The following GYPE variants were observed in gnomAD, a reference collection of about 807,000 sequenced individuals.
GYPE encodes glycophorin-E.
GYPE carries 8 observed loss-of-function variants against 11.6 expected under a neutral mutation model. The ratio of observed to expected loss-of-function variants is 0.69; its 90% CI spans 0.41 to 1.25. GYPE has a LOEUF of 1.25. Ranked by LOEUF, GYPE falls within the 50% of genes most tolerant of loss-of-function variation. The pLI is 0.01. For missense variants in GYPE, 90 were observed against 92.8 expected (o/e 0.97, Z 0.12); for synonymous variants, 28 against 29.6 (o/e 0.94, Z 0.18).
chr4:143,883,320 A>G (rs1490071728), intron 1 of GYPE, among the ~76,000 whole-genome samples: 3 of 151,886 alleles, frequency 2.0e-5, no homozygotes, highest in Non-Finnish European at 4.4e-5. Flanking sequence ...CAGAAGCACT[A>G]TGCTTCTTGT....
chr4:143,891,398 G>A (rs952643724), intron 1 of GYPE, among the ~76,000 whole-genome samples: 1 of 144,894 alleles, frequency 6.9e-6, no homozygotes, highest in Admixed American at 7.2e-5. Flanking sequence ...GCCTGATCTC[G>A]GCTGACTGCA....
At chr4:143,873,304 T>TC (rs1162088352) in intron 3 of GYPE, 1 of 375,356 alleles carries the variant, frequency 2.7e-6, no homozygotes, top group African/African-American at 2.1e-5. Flanking sequence ...TTAAACTGAT[T>TC]ACTTTTGATT....
At chr4:143,883,867 T>C (rs1454325243) in intron 1 of GYPE, among the ~76,000 whole-genome samples, 2 of 151,944 alleles carry the variant, frequency 1.3e-5, no homozygotes, top group Non-Finnish European at 2.9e-5. Flanking sequence ...ACACAAAACA[T>C]AGTCTGTAAA....
intron 1 of GYPE, among the ~76,000 whole-genome samples, chr4:143,898,715 T>C (rs189372055): frequency 6.6e-6 from 1 of 152,300 alleles, no homozygotes; most frequent in African/African-American, 2.4e-5. Flanking sequence ...ATTTATATGA[T>C]TTTTTGCTAA....
chr4:143,875,660 CT>C (rs1743769389), intron 3 of GYPE, among the ~76,000 whole-genome samples: 1 of 152,094 alleles, frequency 6.6e-6, no homozygotes, highest in African/African-American at 2.4e-5. Flanking sequence ...TTGCCAAGTT[CT>C]TTTGGCTTTA....
chr4:143,878,796 G>A (rs546936251), intron 2 of GYPE: 284 of 385,758 alleles, frequency 7.4e-4, no homozygotes, highest in Non-Finnish European at 1.3e-3. Flanking sequence ...AGAGTTGTTG[G>A]TCAACTTTCA....
chr4:143,882,962 T>C lies in GYPE; in HGVS notation c.38-2453A>G, dbSNP rs529207880. On this transcript the variant is annotated intron_variant, in intron 1 of 3. Transcript: ENST00000358615. ...TGTTATAAATGCTTGGACAAATTCT[T>C]ATGGAGAAAGAATTAGGTGAGTGGT... 5.9e-5 allele frequency among the ~76,000 whole-genome samples: 9 copies of C among 152,300 alleles called. No homozygotes were observed. The East Asian group carries it at 1.7e-3, about 29-fold the overall frequency.
chr4:143,902,477 C>G (rs1434131624), intron 1 of GYPE, among the ~76,000 whole-genome samples: 1 of 152,036 alleles, frequency 6.6e-6, no homozygotes, highest in Non-Finnish European at 1.5e-5. Context: ...TGTGTCTAAC[C>G]AGATGAAAAC....
intron 1 of GYPE, among the ~76,000 whole-genome samples, chr4:143,890,948 C>T (rs1421970489): frequency 6.6e-6 from 1 of 151,936 alleles, no homozygotes. Context: ...GTTTGGCCTG[C>T]AGCCTCACAA....
At chr4:143,887,647 G>A (rs1262158005) in intron 1 of GYPE, among the ~76,000 whole-genome samples, 2 of 150,708 alleles carry the variant, frequency 1.3e-5, no homozygotes, top group Admixed American at 1.3e-4. Context: ...AGAAAGGGGA[G>A]TATAACATGC....
intron 2 of GYPE, among the ~76,000 whole-genome samples, chr4:143,878,971 C>G: frequency 6.6e-6 from 1 of 152,136 alleles, no homozygotes; most frequent in East Asian, 1.9e-4. Flanking sequence ...CACTTATTGA[C>G]TTCCACAAGA....
chr4:143,895,231 C>T (rs907797606), intron 1 of GYPE, among the ~76,000 whole-genome samples: 22 of 152,090 alleles, frequency 1.4e-4, no homozygotes, highest in Non-Finnish European at 2.2e-4. Context: ...TGTTCACAGA[C>T]GACATGATTG....
At chr4:143,883,715 A>G (rs1744144368) in intron 1 of GYPE, among the ~76,000 whole-genome samples, 1 of 150,366 alleles carries the variant, frequency 6.7e-6, no homozygotes, top group Non-Finnish European at 1.5e-5. Context: ...AAACCAAATG[A>G]CAAAATAGCA....
At position 143,871,906 on chromosome 4, in the gene GYPE, A is replaced by G. The variant is rs1743631363; in HGVS notation, c.*356T>C. On this transcript the variant is annotated 3_prime_UTR_variant, in exon 4 of 4. Transcript: ENST00000358615. The stretch of plus-strand genomic sequence containing the variant: ...GACCTCAGAGTATTCAAAGTATCAA[A>G]TGGAATGTGACTGAAGAGTTATCTT... 6.6e-6 allele frequency: 1 copy of G among 152,138 alleles called. No homozygotes were observed. The highest frequency in any genetic ancestry group is 6.5e-5 in the Admixed American group (1 of 15,268). 9.4% of individuals were successfully genotyped at this position (152,138 alleles called of 1,614,324 possible). A position where few individuals can be genotyped will look rare whatever the true frequency, so the allele number is the denominator to read the frequency against.
intron 1 of GYPE, among the ~76,000 whole-genome samples, chr4:143,889,682 C>G (rs1744331915): frequency 6.6e-6 from 1 of 152,174 alleles, no homozygotes; most frequent in Admixed American, 6.5e-5. Flanking sequence ...TGGATGTCTT[C>G]TAAGATGCTT....
chr4:143,887,552 T>C (rs1744252828), intron 1 of GYPE, among the ~76,000 whole-genome samples: 1 of 145,308 alleles, frequency 6.9e-6, no homozygotes, highest in African/African-American at 2.5e-5. Flanking sequence ...AATGAATCAC[T>C]GGATGAACCC....
Position 143,871,074 on chromosome 4 carries a change from C to T in GYPE, c.*1188G>A, listed in dbSNP as rs1260017359. ...AATTTACTCACTATCATGAGAATAG[C>T]ACAGGGGAAACCACCGCAATGATTC... On this transcript the variant is annotated 3_prime_UTR_variant, in exon 4 of 4. Transcript: ENST00000358615. 6.7e-6 allele frequency: 1 copy of T among 148,606 alleles called. No individual in the cohort carries two copies. Among genetic ancestry groups the T allele is most frequent in the Non-Finnish European group, 1.5e-5 (1 of 67,972 alleles). The allele number at this position is 148,606 out of a possible 1,614,324, so 9.2% of individuals were successfully genotyped here. A position where few individuals can be genotyped will look rare whatever the true frequency, so the allele number is the denominator to read the frequency against.
At chr4:143,904,023 C>A (rs1406231631) in intron 1 of GYPE, among the ~76,000 whole-genome samples, 1 of 152,018 alleles carries the variant, frequency 6.6e-6, no homozygotes, top group Admixed American at 6.6e-5. Flanking sequence ...AATACATATA[C>A]AAATATTACA....
chr4:143,902,565 CCTCT>C (rs371300250), intron 1 of GYPE, among the ~76,000 whole-genome samples: 135 of 151,488 alleles, frequency 8.9e-4, no homozygotes, highest in African/African-American at 1.5e-3. Context: ...TTCTTGCCTC[CCTCT>C]CTCTCTCCAT....
Sources: gnomAD v4.1 joint callset for allele counts (sites outside exome capture counted in the v4.1 genomes callset) on GRCh38, gnomAD v4.1.1 for gene constraint, MANE v1.5 for transcripts, NCBI Gene and HGNC (gene_info 2026-07-23, HGNC 2026-07-21) for gene names.